The following SYT14 variants were observed in gnomAD, a reference collection of about 807,000 sequenced individuals.
The protein encoded by SYT14 is synaptotagmin 14.
In SYT14, 32 loss-of-function variants were observed where a neutral mutation model predicts 74.2. The ratio of observed to expected loss-of-function variants is 0.43; its 90% CI spans 0.33 to 0.58. The LOEUF (loss-of-function observed/expected upper bound fraction) is 0.58. SYT14 is among the 20% of genes least tolerant of loss of function. The pLI is 0.05. For synonymous variants in SYT14, 298 were observed against 337.7 expected, an observed-to-expected ratio of 0.88 and a Z score of 1.29; for missense variants, 791 against 981.8, an observed-to-expected ratio of 0.81 and a Z score of 2.60.
At chr1:210,167,580 G>A (rs1025235273) in exon 10 of SYT14, 3 of 152,076 alleles carry the variant, frequency 2.0e-5, no homozygotes, top group Admixed American at 6.6e-5. Flanking sequence ...CCCCCACAAA[G>A]ATATGTGGTT....
chr1:210,081,268 A>G (rs886881277), intron 5 of SYT14, among the ~76,000 whole-genome samples: 1 of 152,206 alleles, frequency 6.6e-6, no homozygotes, highest in Non-Finnish European at 1.5e-5. Context: ...CTATAATACT[A>G]TATGATATGA....
chr1:210,100,181 G>A (rs1191209854), exon 7 of SYT14: 2 of 1,613,906 alleles, frequency 1.2e-6, no homozygotes, highest in Non-Finnish European at 1.7e-6. Context: ...AGGACAGGTG[G>A]CAACTCATGG....
chr1:210,003,463 T>C (rs1206938508), intron 2 of SYT14, among the ~76,000 whole-genome samples: 3 of 152,198 alleles, frequency 2.0e-5, no homozygotes, highest in African/African-American at 7.2e-5. Flanking sequence ...ATTTCTGTTA[T>C]TCTAATGGAG....
chr1:210,032,227 A>G (rs561624079), intron 5 of SYT14, among the ~76,000 whole-genome samples: 1 of 152,256 alleles, frequency 6.6e-6, no homozygotes, highest in African/African-American at 2.4e-5. Context: ...ACATAACAGA[A>G]TGGTATCAAT....
intron 7 of SYT14, among the ~76,000 whole-genome samples, chr1:210,110,788 A>G (rs912418802): frequency 6.6e-6 from 1 of 152,226 alleles, no homozygotes; most frequent in Admixed American, 6.5e-5. Flanking sequence ...CTTGTTGCCC[A>G]GACTGGAGTG....
intron 1 of SYT14, among the ~76,000 whole-genome samples, chr1:209,942,820 T>TA (rs1383671250): frequency 4.6e-5 from 7 of 152,184 alleles, no homozygotes; most frequent in Non-Finnish European, 7.3e-5. Context: ...AAACACTTGT[T>TA]ACGTTGCTGT....
At chr1:209,969,905 G>A (rs2079220132) in intron 2 of SYT14, among the ~76,000 whole-genome samples, 1 of 151,930 alleles carries the variant, frequency 6.6e-6, no homozygotes, top group African/African-American at 2.4e-5. Context: ...CTTTTTAATG[G>A]GGTTGTTTTC....
intron 5 of SYT14, among the ~76,000 whole-genome samples, chr1:210,086,076 A>G (rs2081723100): frequency 6.6e-6 from 1 of 152,134 alleles, no homozygotes; most frequent in African/African-American, 2.4e-5. Context: ...AGATTATATA[A>G]TTTCCTGTTT....
intron 5 of SYT14, among the ~76,000 whole-genome samples, chr1:210,063,961 A>C (rs10863808): frequency 6.6e-6 from 1 of 151,756 alleles, no homozygotes; most frequent in Admixed American, 6.6e-5. Flanking sequence ...GTTTCTTATA[A>C]ATCTCTTTAG....
At chr1:210,112,542 A>G (rs1341167301) in intron 7 of SYT14, among the ~76,000 whole-genome samples, 1 of 150,934 alleles carries the variant, frequency 6.6e-6, no homozygotes, top group Non-Finnish European at 1.5e-5. Flanking sequence ...GTAGTGGGGG[A>G]GTATTTGGGA....
chr1:209,938,533 A>G (rs933516114), intron 1 of SYT14, among the ~76,000 whole-genome samples: 16 of 151,946 alleles, frequency 1.1e-4, no homozygotes, highest in Non-Finnish European at 1.6e-4. Flanking sequence ...ACGCGGGGCA[A>G]AGCGGGCTGG....
chr1:210,011,390 G>C (rs959047981), intron 2 of SYT14, among the ~76,000 whole-genome samples: 4 of 152,160 alleles, frequency 2.6e-5, no homozygotes, highest in Non-Finnish European at 5.9e-5. Flanking sequence ...CTGAGGACAA[G>C]ACAGGCAAGG....
intron 5 of SYT14, among the ~76,000 whole-genome samples, chr1:210,090,565 T>G (rs1396272055): frequency 6.6e-6 from 1 of 152,180 alleles, no homozygotes; most frequent in Non-Finnish European, 1.5e-5. Context: ...ATTAAAATGC[T>G]TAAAATATAT....
chr1:210,037,440 C>CT (rs1475192778), intron 5 of SYT14, among the ~76,000 whole-genome samples: 2 of 150,412 alleles, frequency 1.3e-5, no homozygotes, highest in African/African-American at 4.9e-5. Flanking sequence ...CTGCTCTGAT[C>CT]TTTGTTATTT....
At chr1:210,010,898 G>C (rs1204213039) in intron 2 of SYT14, among the ~76,000 whole-genome samples, 1 of 152,156 alleles carries the variant, frequency 6.6e-6, no homozygotes, top group Non-Finnish European at 1.5e-5. Context: ...ATGATAATAG[G>C]ATCATTGTGA....
intron 2 of SYT14, 101 bp downstream of exon 2, chr1:209,952,857 G>A: frequency 8.5e-7 from 1 of 1,180,368 alleles, no homozygotes; most frequent in Non-Finnish European, 1.2e-6. Context: ...TTTATGAAGT[G>A]TAAATTTTAG....
chr1:209,954,219 T>C (rs759326041), intron 2 of SYT14, among the ~76,000 whole-genome samples: 36 of 152,170 alleles, frequency 2.4e-4, no homozygotes, highest in Non-Finnish European at 4.4e-4. Context: ...AGAGGGTCTT[T>C]TGTGGCTACA....
chr1:209,990,549 G>GTATATATACGTATATATATGTA (rs2079652051), intron 2 of SYT14, among the ~76,000 whole-genome samples: 2 of 56,890 alleles, frequency 3.5e-5, no homozygotes, highest in Admixed American at 2.7e-4. Context: ...GTATATATAT[G>GTATATATACGTATATATATGTA]TATATATATA....
At chr1:210,092,720 C>T (rs906757708) in intron 5 of SYT14, among the ~76,000 whole-genome samples, 2 of 152,148 alleles carry the variant, frequency 1.3e-5, no homozygotes, top group African/African-American at 4.8e-5. Flanking sequence ...ACGTTATAAA[C>T]TAAAGTTAGT....
Sources: gnomAD v4.1 joint callset for allele counts (sites outside exome capture counted in the v4.1 genomes callset) on GRCh38, gnomAD v4.1.1 for gene constraint, MANE v1.5 for transcripts, NCBI Gene and HGNC (gene_info 2026-07-23, HGNC 2026-07-21) for gene names.